Variants in ADAM22 observed in about 807,000 individuals in gnomAD.
The protein encoded by ADAM22 is ADAM metallopeptidase domain 22.
In ADAM22, 65 loss-of-function variants were observed where a neutral mutation model predicts 144.6. That is an observed-to-expected ratio of 0.45 (90% CI 0.37 to 0.55). The LOEUF is 0.55. ADAM22 is among the 20% of genes least tolerant of loss of function. ADAM22 has a pLI of 0.00. For synonymous variants in ADAM22, 391 were observed against 412.6 expected (o/e 0.95, Z 0.63); for missense variants, 974 against 1,184.9 (o/e 0.82, Z 2.61).
Position 88,175,406 on chromosome 7 carries a change from A to G in ADAM22, c.2301-3529A>G, listed in dbSNP as rs565018345. On this transcript the variant is annotated intron_variant, in intron 26 of 31. Coordinates refer to ENST00000413139, the MANE Select transcript of ADAM22 (RefSeq NM_001324418.2). ...TTGATCCTTACCTAGAGAATAGGAAATACCTTCAAAAGAATGTTATTTAAT... is the reference window on the plus strand; with the variant it reads ...TTGATCCTTACCTAGAGAATAGGAAGTACCTTCAAAAGAATGTTATTTAAT... 2.0e-5 allele frequency among the ~76,000 whole-genome samples: 3 copies of G among 152,326 alleles called. No homozygotes were observed. In the South Asian group the frequency reaches 6.2e-4, roughly 32 times the overall value.
At chr7:87,936,301 T>G (rs914111027) in intron 2 of ADAM22, among the ~76,000 whole-genome samples, 1 of 151,942 alleles carries the variant, frequency 6.6e-6, no homozygotes, top group Non-Finnish European at 1.5e-5. Flanking sequence ...AATCCCAATA[T>G]GTTAAGCTTT....
At chr7:87,972,638 C>A (rs1850748888) in intron 2 of ADAM22, among the ~76,000 whole-genome samples, 2 of 152,136 alleles carry the variant, frequency 1.3e-5, no homozygotes, top group South Asian at 2.1e-4. Flanking sequence ...CAATCCTAAG[C>A]CAAAAGAACA....
chr7:88,185,125 G>A (rs1000266942), intron 29 of ADAM22, among the ~76,000 whole-genome samples: 5 of 152,134 alleles, frequency 3.3e-5, no homozygotes, highest in Admixed American at 6.5e-5. Flanking sequence ...GAGTCTCAGT[G>A]GAAATCTTTA....
At chr7:87,970,847 T>C (rs961624147) in intron 2 of ADAM22, among the ~76,000 whole-genome samples, 1 of 152,216 alleles carries the variant, frequency 6.6e-6, no homozygotes, top group African/African-American at 2.4e-5. Flanking sequence ...ATTTTTGAAT[T>C]TAGAATTTAG....
At chr7:87,947,628 A>G (rs1288386766) in intron 2 of ADAM22, among the ~76,000 whole-genome samples, 1 of 152,176 alleles carries the variant, frequency 6.6e-6, no homozygotes, top group Non-Finnish European at 1.5e-5. Flanking sequence ...GTTCTTAATA[A>G]TCTTGAATAG....
chr7:88,014,535 G>A lies in ADAM22; in HGVS notation c.323+36123G>A, dbSNP rs1029954907. ...AGGCGAGTAGAGCACCTGAGGTCAG[G>A]AATTTGACACTAACCTAGCCAACAT... On this transcript the variant is annotated intron_variant, in intron 3 of 31. Coordinates refer to ENST00000413139, the MANE Select transcript of ADAM22 (RefSeq NM_001324418.2). Among the ~76,000 whole-genome samples the A allele has an allele frequency of 2.0e-5, 3 of 152,046 alleles. No individual in the cohort carries two copies. The East Asian group carries it at 5.8e-4, about 29-fold the overall frequency.
chr7:88,179,535 A>G (rs771506981), intron 27 of ADAM22, among the ~76,000 whole-genome samples: 15 of 152,018 alleles, frequency 9.9e-5, no homozygotes, highest in Non-Finnish European at 1.8e-4. Flanking sequence ...TGTGAATCAT[A>G]TATTTGAGTA....
chr7:88,197,281 C>T lies in ADAM22; in HGVS notation c.*790C>T, dbSNP rs957136162. 6.6e-6 allele frequency: 1 copy of T among 152,184 alleles called. No individual in the cohort carries two copies. The highest frequency in any genetic ancestry group is 2.4e-5 in the African/African-American group (1 of 41,422). 9.4% of individuals were successfully genotyped at this position (152,184 alleles called of 1,614,324 possible). On this transcript the variant is annotated 3_prime_UTR_variant, in exon 32 of 32. Transcript: ENST00000413139. ...GGTCAATGCTGTAAATGTGTCTCTC[C>T]ATAATTCGTATTTGTCCAAAACATG...
At chr7:88,004,996 T>C (rs1793447494) in intron 3 of ADAM22, among the ~76,000 whole-genome samples, 1 of 152,174 alleles carries the variant, frequency 6.6e-6, no homozygotes, top group Admixed American at 6.5e-5. Context: ...TATATTATTA[T>C]AAAACGCTAA....
At chr7:88,165,463 A>G (rs1047017260) in intron 23 of ADAM22, among the ~76,000 whole-genome samples, 6 of 152,074 alleles carry the variant, frequency 3.9e-5, no homozygotes, top group Non-Finnish European at 7.4e-5. Flanking sequence ...GACCCTTACT[A>G]TGGAAGGAAG....
At position 88,142,089 on chromosome 7, in the gene ADAM22, A is replaced by G. The variant is rs538389994; in HGVS notation, c.1221-937A>G. Among the ~76,000 whole-genome samples the G allele has an allele frequency of 1.2e-4, 18 of 152,356 alleles. 1 individual carries two copies. The highest frequency in any genetic ancestry group is 1.0e-3 in the South Asian group (5 of 4,822). On this transcript the variant is annotated intron_variant, in intron 14 of 31. Transcript: ENST00000413139. ...CTGAAGAAGAGTTGCAAGATTAATA[A>G]CAAAGAAACTTTTTGTCCGGTGGAT...
At chr7:88,144,430 C>T (rs1835723591) in intron 15 of ADAM22, among the ~76,000 whole-genome samples, 1 of 152,094 alleles carries the variant, frequency 6.6e-6, no homozygotes, top group East Asian at 1.9e-4. Flanking sequence ...CCAAAATTTG[C>T]TTCAATCTCT....
intron 3 of ADAM22, among the ~76,000 whole-genome samples, chr7:88,002,371 A>G (rs1045279669): frequency 2.6e-4 from 39 of 152,268 alleles, no homozygotes; most frequent in African/African-American, 8.2e-4. Flanking sequence ...ACCAGGAAAT[A>G]TGGCATGGCC....
intron 2 of ADAM22, among the ~76,000 whole-genome samples, chr7:87,939,256 A>G (rs1444464350): frequency 2.0e-5 from 3 of 152,194 alleles, no homozygotes; most frequent in Non-Finnish European, 4.4e-5. Context: ...CCAACCAAAG[A>G]GGCAGTAAGT....
intron 3 of ADAM22, among the ~76,000 whole-genome samples, chr7:88,059,619 C>T (rs1407987668): frequency 2.0e-5 from 3 of 152,112 alleles, no homozygotes; most frequent in South Asian, 2.1e-4. Flanking sequence ...TCAACCTAGG[C>T]GCTGATCGAT....
chr7:87,998,824 A>G (rs1437553980), intron 3 of ADAM22, among the ~76,000 whole-genome samples: 4 of 152,200 alleles, frequency 2.6e-5, no homozygotes, highest in Non-Finnish European at 5.9e-5. Context: ...AATTCTGCCT[A>G]CCGTAATACA....
chr7:88,078,723 G>A (rs1815480547), intron 4 of ADAM22, among the ~76,000 whole-genome samples: 1 of 152,208 alleles, frequency 6.6e-6, no homozygotes, highest in Non-Finnish European at 1.5e-5. Context: ...TAACCGATGT[G>A]ATCAACTGGA....
rs1329798604 is a variant in ADAM22 at position 88,153,855 on chromosome 7, A to G, written c.1787+529A>G. ...ATTACCATTACCTGAACTAAGACCT[A>G]TATTAATCCTTCAACTATTACAAAA... On this transcript the variant is annotated intron_variant, in intron 21 of 31. Transcript: ENST00000413139. Among the ~76,000 whole-genome samples, 3 of 152,344 alleles carry G rather than the reference A, an allele frequency of 2.0e-5. No individual in the cohort carries two copies. The East Asian group carries it at 5.8e-4, about 29-fold the overall frequency.
chr7:88,173,247 T>C (rs373447203), intron 26 of ADAM22, among the ~76,000 whole-genome samples: 2 of 152,098 alleles, frequency 1.3e-5, no homozygotes, highest in East Asian at 1.9e-4. Context: ...GTGCCTGATA[T>C]AATTTCATGT....
Sources: allele counts gnomAD v4.1 joint callset (sites outside exome capture counted in the v4.1 genomes callset), GRCh38; gene constraint gnomAD v4.1.1; transcripts MANE v1.5; gene names NCBI Gene and HGNC (gene_info 2026-07-23, HGNC 2026-07-21).